PEMT: variants seen among roughly 807,000 people sequenced by gnomAD.
PEMT encodes phospholipid methyltransferase.
Under a neutral mutation model 27.4 loss-of-function variants are expected in PEMT, and 23 were observed. The observed-to-expected ratio is 0.84, with a 90% CI of 0.60 to 1.19. The LOEUF is 1.19. PEMT is among the 50% of genes most tolerant of loss of function. PEMT has a pLI of 0.00. For missense variants in PEMT, 307 were observed against 310.1 expected (o/e 0.99, Z 0.07); for synonymous variants, 137 against 139.1 (o/e 0.98, Z 0.11).
intron 2 of PEMT, among the ~76,000 whole-genome samples, chr17:17,575,034 T>C (rs1056152689): frequency 3.3e-5 from 5 of 152,198 alleles, no homozygotes; most frequent in African/African-American, 1.2e-4. Context: ...CTGTAACAAA[T>C]GACTGCCAAC....
chr17:17,549,468 G>A (rs1350474613), intron 2 of PEMT, among the ~76,000 whole-genome samples: 3 of 152,184 alleles, frequency 2.0e-5, no homozygotes, highest in East Asian at 1.9e-4. Context: ...GATCACAGGT[G>A]TGACTTTTAT....
intron 3 of PEMT, among the ~76,000 whole-genome samples, chr17:17,515,957 G>A (rs1274348797): frequency 6.6e-6 from 1 of 152,164 alleles, no homozygotes; most frequent in Non-Finnish European, 1.5e-5. Context: ...GGTGGGGAGG[G>A]GGCATCACTG....
chr17:17,521,976 G>C (rs1907300563), intron 3 of PEMT, among the ~76,000 whole-genome samples: 1 of 152,198 alleles, frequency 6.6e-6, no homozygotes, highest in African/African-American at 2.4e-5. Context: ...GCTTCCTGGA[G>C]GAGACTCCTA....
intron 2 of PEMT, among the ~76,000 whole-genome samples, chr17:17,526,636 G>A (rs370171813): frequency 2.8e-4 from 42 of 152,290 alleles, no homozygotes; most frequent in African/African-American, 9.6e-4. Context: ...GCACATGCCC[G>A]TGGTGCCCGT....
chr17:17,521,047 C>T (rs1192283669), intron 3 of PEMT, among the ~76,000 whole-genome samples: 3 of 152,248 alleles, frequency 2.0e-5, no homozygotes, highest in Non-Finnish European at 4.4e-5. Flanking sequence ...GCACCCAGTG[C>T]CTGCAAGCCA....
intron 2 of PEMT, among the ~76,000 whole-genome samples, chr17:17,553,974 G>A (rs1006667844): frequency 2.0e-5 from 3 of 152,188 alleles, no homozygotes; most frequent in African/African-American, 7.2e-5. Context: ...GGTGGGGTGG[G>A]GGGCTCCTCT....
intron 2 of PEMT, among the ~76,000 whole-genome samples, chr17:17,556,971 C>T (rs769078177): frequency 1.3e-5 from 2 of 152,208 alleles, no homozygotes; most frequent in Non-Finnish European, 2.9e-5. Flanking sequence ...AGCCCTCAGT[C>T]TTGGCAGATC....
Position 17,512,338 on chromosome 17 carries a change from C to T in PEMT, c.466+171G>A, listed in dbSNP as rs767331368. Among the ~76,000 whole-genome samples the T allele has an allele frequency of 1.1e-4, 16 of 152,216 alleles. No homozygotes were observed. The highest frequency in any genetic ancestry group is 7.2e-4 in the Admixed American group (11 of 15,286). On this transcript the variant is annotated intron_variant, in intron 4 of 6. Coordinates refer to ENST00000255389, the MANE Select transcript of PEMT (RefSeq NM_148172.3). The surrounding 1 kb of genome is among the most constrained non-coding windows in gnomAD (Gnocchi z 6.3). ...AGAGGAGCTGTTGGAGCCCAGCCTC[C>T]TGTTCTAACCACAGACAAGCCAGGC...
At chr17:17,554,098 G>A (rs1269700772) in intron 2 of PEMT, among the ~76,000 whole-genome samples, 8 of 152,248 alleles carry the variant, frequency 5.3e-5, no homozygotes, top group South Asian at 4.1e-4. Flanking sequence ...CCTGGTAGCC[G>A]GGATCCTGCA....
chr17:17,507,876 A>G (rs1477468460), intron 5 of PEMT: 1 of 152,656 alleles, frequency 6.6e-6, no homozygotes. Flanking sequence ...AGCACGCTGC[A>G]TGGCTGATGT....
At chr17:17,539,357 C>T (rs1364958462) in intron 2 of PEMT, among the ~76,000 whole-genome samples, 1 of 152,180 alleles carries the variant, frequency 6.6e-6, no homozygotes, top group East Asian at 1.9e-4. Flanking sequence ...CAGGCTCCAA[C>T]CCAGAGCTGG....
intron 1 of PEMT, among the ~76,000 whole-genome samples, chr17:17,579,191 A>G (rs546060223): frequency 6.6e-6 from 1 of 152,336 alleles, no homozygotes; most frequent in South Asian, 2.1e-4. Flanking sequence ...GTCTCCTGAC[A>G]TAACTCTGCC....
intron 2 of PEMT, among the ~76,000 whole-genome samples, chr17:17,566,220 TG>T (rs1205834914): frequency 6.6e-6 from 1 of 152,212 alleles, no homozygotes; most frequent in Non-Finnish European, 1.5e-5. Context: ...AGTGCAGGCC[TG>T]GGGCCTGGCA....
chr17:17,588,252 G>C (rs769027313), intron 1 of PEMT, among the ~76,000 whole-genome samples: 2 of 152,128 alleles, frequency 1.3e-5, no homozygotes, highest in Non-Finnish European at 2.9e-5. Context: ...TAATATAACG[G>C]CCTAATGTTT....
chr17:17,513,170 C>T lies in PEMT; in HGVS notation c.321-516G>A, dbSNP rs1039952802. On this transcript the variant is annotated intron_variant, in intron 3 of 6. Transcript: ENST00000255389. The surrounding 1 kb of genome is among the most constrained non-coding windows in gnomAD (Gnocchi z 4.1). Reference sequence around the variant, plus strand: ...TGCTAGGGATTGCGCTTCCACAGCCCCTGTGGGTCTGGCCACATCCTGGGT... The same window carrying T: ...TGCTAGGGATTGCGCTTCCACAGCCTCTGTGGGTCTGGCCACATCCTGGGT... 1.3e-5 allele frequency among the ~76,000 whole-genome samples: 2 copies of T among 152,222 alleles called. No individual in the cohort carries two copies. The highest frequency in any genetic ancestry group is 2.9e-5 in the Non-Finnish European group (2 of 68,042).
intron 2 of PEMT, 48 bp downstream of exon 2, chr17:17,576,872 C>T: frequency 6.1e-6 from 9 of 1,469,906 alleles, no homozygotes; most frequent in Non-Finnish European, 8.6e-6. Flanking sequence ...TGGGGCTCAC[C>T]AAGCAGTGAG....
At chr17:17,567,642 C>T (rs768288496) in intron 2 of PEMT, among the ~76,000 whole-genome samples, 14 of 152,258 alleles carry the variant, frequency 9.2e-5, no homozygotes, top group Non-Finnish European at 1.6e-4. Context: ...ACCTGCCATT[C>T]GTTCTGCAGG....
rs554763232 is a variant in PEMT at position 17,505,680 on chromosome 17, C to T, written c.*111G>A. ...GGTTCCAAGGCACTGGGGCAGCCCACGCCGGGGGCGAGCCCTGAGCAGCAG... is the reference window on the plus strand; with the variant it reads ...GGTTCCAAGGCACTGGGGCAGCCCATGCCGGGGGCGAGCCCTGAGCAGCAG... On this transcript the variant is annotated 3_prime_UTR_variant, in exon 7 of 7. Coordinates refer to ENST00000255389, the MANE Select transcript of PEMT (RefSeq NM_148172.3). 477 of 1,300,126 alleles carry T rather than the reference C, an allele frequency of 3.7e-4. No individual in the cohort carries two copies. Among genetic ancestry groups the T allele is most frequent in the Non-Finnish European group, 4.4e-4 (440 of 989,430 alleles). The allele number at this position is 1,300,126 out of a possible 1,614,324, so 80.5% of individuals were successfully genotyped here.
chr17:17,507,504 A>G, intron 5 of PEMT: 1 of 414,314 alleles, frequency 2.4e-6, no homozygotes. Flanking sequence ...GGCAGGGCAG[A>G]CGTAAGCAAA....
Sources: gnomAD v4.1 joint callset for allele counts (sites outside exome capture counted in the v4.1 genomes callset) on GRCh38, gnomAD v4.1.1 for gene constraint, Gnocchi (gnomAD v3.1) non-coding constraint, MANE v1.5 for transcripts, NCBI Gene and HGNC (gene_info 2026-07-23, HGNC 2026-07-21) for gene names.